The following PPOX variants were observed in gnomAD, a reference collection of about 807,000 sequenced individuals.
PPOX encodes the protein protoporphyrinogen oxidase.
In PPOX, 23 loss-of-function variants were observed where a neutral mutation model predicts 54.1. The observed-to-expected ratio is 0.43, with a 90% CI of 0.31 to 0.60. The LOEUF (loss-of-function observed/expected upper bound fraction) is 0.60. PPOX is among the 20% of genes least tolerant of loss of function. PPOX has a pLI of 0.13. For missense variants in PPOX, 512 were observed against 601.1 expected (o/e 0.85, Z 1.55); for synonymous variants, 224 against 236.1 (o/e 0.95, Z 0.47).
downstream of PPOX, among the ~76,000 whole-genome samples, chr1:161,174,251 C>G (rs943939374): frequency 6.6e-6 from 1 of 151,752 alleles, no homozygotes; most frequent in Non-Finnish European, 1.5e-5. Context: ...ACTAAAAATA[C>G]AAAAAATTAG....
At chr1:161,175,826 C>T (rs747427105), downstream of PPOX, 2 of 1,614,130 alleles carry the variant, frequency 1.2e-6, no homozygotes, top group Non-Finnish European at 1.7e-6. Context: ...GGAGATCGTT[C>T]TGGACAGTAG....
chr1:161,167,006 T>G, intron 2 of PPOX, 72 bp downstream of exon 2: 2 of 1,610,370 alleles, frequency 1.2e-6, no homozygotes, highest in East Asian at 2.2e-5. Context: ...GCTAGATGGA[T>G]CCTGGCCCTC....
At chr1:161,167,321 G>A (rs1456739898) in intron 3 of PPOX, 50 bp from the exon 4 acceptor site, 1 of 1,613,928 alleles carries the variant, frequency 6.2e-7, no homozygotes, top group East Asian at 2.2e-5. Context: ...ATGTTTGGTG[G>A]GTCAGATCTT....
chr1:161,177,651 C>T (rs551670524), downstream of PPOX: 1 of 157,600 alleles, frequency 6.3e-6, no homozygotes, highest in East Asian at 1.9e-4. Context: ...TAGGCGACCC[C>T]CTGGGGAGCG....
intron 9 of PPOX, 137 bp downstream of exon 9, chr1:161,170,161 C>G: frequency 8.8e-7 from 1 of 1,131,774 alleles, no homozygotes; most frequent in Admixed American, 2.0e-5. Context: ...CCCATCTCTA[C>G]GAAAAATACA....
intron 1 of PPOX, 31 bp from the exon 2 acceptor site, chr1:161,166,809 C>G (rs762496045): frequency 6.2e-7 from 1 of 1,609,612 alleles, no homozygotes; most frequent in Admixed American, 1.7e-5. Context: ...TGTCCCCGGT[C>G]TGCCTGTCCA....
intron 4 of PPOX, chr1:161,176,838 T>C: frequency 6.5e-7 from 1 of 1,533,762 alleles, no homozygotes; most frequent in Non-Finnish European, 8.7e-7. Flanking sequence ...GGAAACATTG[T>C]TTTCCCCCAG....
downstream of PPOX, chr1:161,173,509 C>T (rs922188192): frequency 6.4e-7 from 1 of 1,565,164 alleles, no homozygotes; most frequent in African/African-American, 1.4e-5. Flanking sequence ...GACCAGGGAG[C>T]TAAAGGTTAG....
chr1:161,171,390 C>A, downstream of PPOX: 1 of 819,438 alleles, frequency 1.2e-6, no homozygotes. Flanking sequence ...GCTATTCCAG[C>A]ATAGGCAGAA....
In PPOX at chr1:161,168,582, G is replaced by C. The variant is rs761138710; in HGVS notation, c.616+6G>C. ...GGGCCTGCTGCTGGGGGCAGGTGAG[G>C]GGGGATTGATTCAGAGGGTGAAAAT... On this transcript the variant is annotated splice_donor_region_variant and intron_variant, in intron 6 of 12. Transcript: ENST00000367999. 3.7e-6 allele frequency: 6 copies of C among 1,613,940 alleles called. No homozygotes were observed. The highest frequency in any genetic ancestry group is 5.1e-6 in the Non-Finnish European group (6 of 1,179,964).
Position 161,169,033 on chromosome 1 carries a change from C to CT in PPOX, c.659dup (p.Leu220PhefsTer3). Reference sequence around the variant, plus strand: ...CAGACTCAGCACTCATTCGCCAGGCCTTGGCTGAGCGCTGGAGCCAGTGGT... The same window carrying CT: ...CAGACTCAGCACTCATTCGCCAGGCCTTTGGCTGAGCGCTGGAGCCAGTGGT... On this transcript the variant is annotated frameshift_variant, in exon 7 of 13. Transcript: ENST00000367999. LOFTEE classifies it high-confidence loss of function. The CT allele has an allele frequency of 6.2e-7, 1 of 1,614,226 alleles. No individual in the cohort carries two copies. Among genetic ancestry groups the CT allele is most frequent in the Non-Finnish European group, 8.5e-7 (1 of 1,180,046 alleles).
chr1:161,174,117 A>G, downstream of PPOX: 1 of 1,540,880 alleles, frequency 6.5e-7, no homozygotes, highest in African/African-American at 1.4e-5. Context: ...GCTAAAGAAT[A>G]AAAGTGAAGG....
rs1411495047 is a variant in PPOX, at chr1:161,168,497, C to T, written c.537C>T (p.Ser179=). The part of the protein sequence containing the change: ...GVFAGNSREL[S]IRSCFPSLFQ... ...TTGCAGGCAACAGCCGTGAGCTCAG[C>T]ATCAGGTCCTGCTTTCCCAGTCTCT... The change falls in exon 6 of 13, where the codon AGC becomes AGT. Residue 179 remains serine (S), a synonymous_variant. Coordinates refer to ENST00000367999, the MANE Select transcript of PPOX (RefSeq NM_001122764.3). 6.2e-7 allele frequency: 1 copy of T among 1,614,084 alleles called. No homozygotes were observed. The highest frequency in any genetic ancestry group is 8.5e-7 in the Non-Finnish European group (1 of 1,180,036).
At position 161,169,709 on chromosome 1, in the gene PPOX, T is replaced by C; in HGVS notation, c.857T>C (p.Ile286Thr). 3 of 1,614,214 alleles carry C rather than the reference T, an allele frequency of 1.9e-6. 1 individual carries two copies. The highest frequency in any genetic ancestry group is 3.3e-4 in the Middle Eastern group (2 of 6,060). The change falls in exon 8 of 13, where the codon ATT (isoleucine) becomes ACT (threonine). Residue 286 changes from isoleucine (I) to threonine (T), a missense_variant. Coordinates refer to ENST00000367999, the MANE Select transcript of PPOX (RefSeq NM_001122764.3). ...GAGGCTGACCACGTTATTAGTGCCA[T>C]TCCAGCTTCAGGTAATGGAATAGCC... ...SLEADHVISAIPASVLSELLP... is the reference protein window; with the variant it reads ...SLEADHVISATPASVLSELLP...
rs1661317522 is a variant in PPOX, at chr1:161,171,193, A to G, written c.*17A>G. The G allele has an allele frequency of 6.2e-7, 1 of 1,612,882 alleles. No individual in the cohort carries two copies. Among genetic ancestry groups the G allele is most frequent in the Non-Finnish European group, 8.5e-7 (1 of 1,180,056 alleles). On this transcript the variant is annotated 3_prime_UTR_variant, in exon 13 of 13. Coordinates refer to ENST00000367999, the MANE Select transcript of PPOX (RefSeq NM_001122764.3). Reference sequence around the variant, plus strand: ...AACAGCTGATCCCCAACTCTCATTCATGAAAATAAAAATTGCTGGAGCTTG... The same window carrying G: ...AACAGCTGATCCCCAACTCTCATTCGTGAAAATAAAAATTGCTGGAGCTTG...
chr1:161,169,156 C>T lies in PPOX; in HGVS notation c.780C>T (p.Leu260=). 6.2e-7 allele frequency: 1 copy of T among 1,614,124 alleles called. No homozygotes were observed. The highest frequency in any genetic ancestry group is 1.3e-5 in the African/African-American group (1 of 75,050). Residue 260 remains leucine (L), a synonymous_variant, in exon 7 of 13, where the codon CTC becomes CTT. Coordinates refer to ENST00000367999, the MANE Select transcript of PPOX (RefSeq NM_001122764.3). ...TCAGAGGCCAGCCGGTCTGTGGGCT[C>T]AGCCTCCAGGCAGAAGGGCGCTGGA... is the stretch of plus-strand genomic sequence containing the variant. ...SVLRGQPVCG[L]SLQAEGRWKV...
chr1:161,174,501 A>ATTT (rs1195074744), downstream of PPOX, among the ~76,000 whole-genome samples: 2 of 152,108 alleles, frequency 1.3e-5, no homozygotes, highest in Non-Finnish European at 2.9e-5. Context: ...TATCTTTTTC[A>ATTT]TTTTTCCACT....
At chr1:161,175,799 T>A (rs750908076), downstream of PPOX, 3 of 1,613,382 alleles carry the variant, frequency 1.9e-6, no homozygotes, top group African/African-American at 1.3e-5. Flanking sequence ...TCCTTCCTCC[T>A]GCACTTACCT....
At chr1:161,172,006 A>C (rs1349871369), downstream of PPOX, 1 of 1,614,188 alleles carries the variant, frequency 6.2e-7, no homozygotes, top group South Asian at 1.1e-5. Context: ...AAGAGGCCCC[A>C]GCTCTCGAGC....
Sources: allele counts gnomAD v4.1 joint callset (sites outside exome capture counted in the v4.1 genomes callset), GRCh38; gene constraint gnomAD v4.1.1; transcripts MANE v1.5; gene names NCBI Gene and HGNC (gene_info 2026-07-23, HGNC 2026-07-21).